Variants in SNPH observed in about 807,000 individuals in gnomAD.
The protein encoded by SNPH is syntaphilin.
Under a neutral mutation model 36.8 loss-of-function variants are expected in SNPH, and 10 were observed. The observed-to-expected ratio is 0.27, with a 90% confidence interval of 0.17 to 0.46. The LOEUF (loss-of-function observed/expected upper bound fraction) is 0.46. Ranked by LOEUF, SNPH falls within the 20% of genes least tolerant of loss-of-function variation. SNPH has a pLI of 1.00. For synonymous variants in SNPH, 281 were observed against 312.2 expected, an observed-to-expected ratio of 0.90 and a Z score of 1.05; for missense variants, 622 against 744.0, an observed-to-expected ratio of 0.84 and a Z score of 1.91.
At chr20:1,284,270 C>T (rs768949521) in intron 2 of SNPH, among the ~76,000 whole-genome samples, 1 of 152,142 alleles carries the variant, frequency 6.6e-6, no homozygotes, top group African/African-American at 2.4e-5. Flanking sequence ...TTTCTTCCCC[C>T]CCTTTTGTTG....
chr20:1,286,834 G>A (rs537704478), intron 2 of SNPH, among the ~76,000 whole-genome samples: 2 of 152,260 alleles, frequency 1.3e-5, no homozygotes, highest in Admixed American at 6.5e-5. Flanking sequence ...CTCAGGCTGG[G>A]TGGGGGCTTT....
intron 2 of SNPH, among the ~76,000 whole-genome samples, chr20:1,277,569 T>TGTCTGTGTGTGTGTC (rs553991080): frequency 1.7e-5 from 2 of 116,990 alleles, no homozygotes; most frequent in African/African-American, 6.4e-5. Context: ...GTGTGTGTCG[T>TGTCTGTGTGTGTGTC]GTGTCTGTGT....
rs776419451 is a variant in SNPH, at chr20:1,305,932, TACA to T, written c.1499_1501del (p.Asn500del). On this transcript the variant is annotated inframe_deletion, in exon 7 of 7. Coordinates refer to ENST00000381867, the MANE Select transcript of SNPH (RefSeq NM_001318234.2). ...CCAGCGGCGCCAGGGCCAGCCCATC[TACA>T]ACATCAGCTCCCTGCTGCGGGGCTG... The T allele has an allele frequency of 1.3e-6, 2 of 1,591,646 alleles. No individual in the cohort carries two copies. Among genetic ancestry groups the T allele is most frequent in the Non-Finnish European group, 1.7e-6 (2 of 1,169,650 alleles).
At chr20:1,270,488 T>C (rs2088059707) in intron 2 of SNPH, among the ~76,000 whole-genome samples, 1 of 152,092 alleles carries the variant, frequency 6.6e-6, no homozygotes, top group South Asian at 2.1e-4. Context: ...TTAATAATAA[T>C]AGTAAAGGGT....
chr20:1,283,599 C>A (rs1568542597), intron 2 of SNPH, among the ~76,000 whole-genome samples: 1 of 152,188 alleles, frequency 6.6e-6, no homozygotes, highest in African/African-American at 2.4e-5. Flanking sequence ...AATATGAAAT[C>A]TCTTAGTTTA....
At chr20:1,290,473 A>G (rs2088346886) in intron 2 of SNPH, among the ~76,000 whole-genome samples, 1 of 152,210 alleles carries the variant, frequency 6.6e-6, no homozygotes. Flanking sequence ...TCTTTCATTT[A>G]GCATAATGTT....
At chr20:1,299,134 A>T (rs758494525) in intron 5 of SNPH, among the ~76,000 whole-genome samples, 1 of 152,080 alleles carries the variant, frequency 6.6e-6, no homozygotes, top group African/African-American at 2.4e-5. Context: ...ACCACTTCTC[A>T]TTCCACTTCT....
intron 5 of SNPH, among the ~76,000 whole-genome samples, chr20:1,298,792 T>G (rs1378200369): frequency 6.8e-6 from 1 of 146,684 alleles, no homozygotes; most frequent in African/African-American, 2.5e-5. Flanking sequence ...CACAGCGTAT[T>G]TTTTTTCTAA....
intron 2 of SNPH, among the ~76,000 whole-genome samples, chr20:1,289,896 C>T (rs911137133): frequency 5.3e-5 from 8 of 152,052 alleles, no homozygotes; most frequent in African/African-American, 1.9e-4. Context: ...ATATAATTTA[C>T]ATTCCATAAA....
chr20:1,277,023 A>G (rs931800095), intron 2 of SNPH, among the ~76,000 whole-genome samples: 4 of 152,208 alleles, frequency 2.6e-5, no homozygotes, highest in South Asian at 4.1e-4. Context: ...CTTTCTCCCA[A>G]GAGGTGGCAA....
chr20:1,294,169 G>C lies in SNPH; in HGVS notation c.-492-782G>C, dbSNP rs1291137987. 6.6e-6 allele frequency among the ~76,000 whole-genome samples: 1 copy of C among 152,242 alleles called. No individual in the cohort carries two copies. The highest frequency in any genetic ancestry group is 1.5e-5 in the Non-Finnish European group (1 of 68,038). ...GCCAGAGCATGTCACACCTGCAGCT[G>C]TGTGACCTTGGGCCCAAATGCAGTA... On this transcript the variant is annotated intron_variant, in intron 2 of 6. Coordinates refer to ENST00000381867, the MANE Select transcript of SNPH (RefSeq NM_001318234.2). This position sits in a 1 kb window ranked among gnomAD's most constrained non-coding sequence, Gnocchi z 4.4.
rs3803947 is a variant in SNPH, at chr20:1,308,322, G to A, written c.*2268G>A. On this transcript the variant is annotated 3_prime_UTR_variant, in exon 7 of 7. Transcript: ENST00000381867. ...GAGACCACCGGTGTGGGTCACGAGG[G>A]CCCTGGCCCACAGTGTTGAGGGTCC... is the stretch of plus-strand genomic sequence containing the variant. The A allele has an allele frequency of 0.47, 71,040 of 152,442 alleles. 17,360 individuals are homozygous for A. Among genetic ancestry groups the A allele is most frequent in the African/African-American group, 0.58 (24,083 of 41,528 alleles). The allele number at this position is 152,442 out of a possible 1,614,324, so 9.4% of individuals were successfully genotyped here. A position where few individuals can be genotyped will look rare whatever the true frequency, so the allele number is the denominator to read the frequency against.
At chr20:1,268,778 G>A (rs1039095485) in intron 2 of SNPH, among the ~76,000 whole-genome samples, 2 of 152,242 alleles carry the variant, frequency 1.3e-5, no homozygotes, top group Non-Finnish European at 2.9e-5. Flanking sequence ...GGGAGAAACT[G>A]TAGGAATGTG....
chr20:1,292,043 C>T (rs1305899568), intron 2 of SNPH, among the ~76,000 whole-genome samples: 1 of 152,232 alleles, frequency 6.6e-6, no homozygotes, highest in Non-Finnish European at 1.5e-5. Context: ...TAGAGACCAT[C>T]TAATCTGACT....
At position 1,299,001 on chromosome 20, in the gene SNPH, G is replaced by T. The variant is rs574452811; in HGVS notation, c.291-1561G>T. ...TCCTTACTAGTTTAGCTAACCTTGG[G>T]TCCCCCACTCCTACCACCCCTTGCC... On this transcript the variant is annotated intron_variant, in intron 5 of 6. Coordinates refer to ENST00000381867, the MANE Select transcript of SNPH (RefSeq NM_001318234.2). 9.0e-4 allele frequency among the ~76,000 whole-genome samples: 136 copies of T among 151,542 alleles called. 2 individuals are homozygous for T. The highest frequency in any genetic ancestry group is 3.2e-3 in the African/African-American group (131 of 41,226).
At chr20:1,296,693 A>G (rs981051758) in intron 4 of SNPH, among the ~76,000 whole-genome samples, 6 of 152,122 alleles carry the variant, frequency 3.9e-5, no homozygotes, top group African/African-American at 1.4e-4. Context: ...CAACGACTGG[A>G]GGGGAATCGT....
intron 2 of SNPH, among the ~76,000 whole-genome samples, chr20:1,278,003 TG>T: frequency 6.7e-6 from 1 of 150,028 alleles, no homozygotes; most frequent in African/African-American, 2.5e-5. Flanking sequence ...TGTGTGTCTG[TG>T]TGTGTGTCAG....
chr20:1,292,925 A>G (rs2122372529), intron 2 of SNPH, among the ~76,000 whole-genome samples: 1 of 152,304 alleles, frequency 6.6e-6, no homozygotes, highest in Admixed American at 6.5e-5. Flanking sequence ...TATGGCTTGA[A>G]TGTGTTTCTG....
chr20:1,283,110 C>A (rs775545435), intron 2 of SNPH, among the ~76,000 whole-genome samples: 4 of 152,214 alleles, frequency 2.6e-5, no homozygotes, highest in African/African-American at 4.8e-5. Context: ...ATGGTGCTCT[C>A]TGCTTTACCT....
Sources: gnomAD v4.1 joint callset for allele counts (sites outside exome capture counted in the v4.1 genomes callset) on GRCh38, gnomAD v4.1.1 for gene constraint, Gnocchi (gnomAD v3.1) non-coding constraint, MANE v1.5 for transcripts, NCBI Gene and HGNC (gene_info 2026-07-23, HGNC 2026-07-21) for gene names.